DGKB: variants seen among roughly 807,000 people sequenced by gnomAD.
DGKB encodes the protein diacylglycerol kinase beta.
In DGKB, 67 loss-of-function variants were observed where a neutral mutation model predicts 114.3. The observed-to-expected ratio is 0.59, with a 90% CI of 0.48 to 0.72. The LOEUF (loss-of-function observed/expected upper bound fraction) is 0.72. DGKB is among the 30% of genes least tolerant of loss of function. The pLI, the probability that DGKB is intolerant of heterozygous loss-of-function variation, is 0.00. For missense variants in DGKB, 907 were observed against 975.2 expected (o/e 0.93, Z 0.93); for synonymous variants, 398 against 323.1 (o/e 1.23, Z -2.49).
intron 21 of DGKB, among the ~76,000 whole-genome samples, chr7:14,450,738 G>A: frequency 6.6e-6 from 1 of 152,056 alleles, no homozygotes; most frequent in East Asian, 1.9e-4. Context: ...AAGTAGCAAA[G>A]AGCAGAAGGA....
At chr7:14,685,389 T>C in intron 9 of DGKB, 27 bp from the exon 10 acceptor site, 1 of 1,515,032 alleles carries the variant, frequency 6.6e-7, no homozygotes, top group Non-Finnish European at 9.2e-7. Flanking sequence ...AGAAACAGAT[T>C]TCACTTAATG....
intron 23 of DGKB, among the ~76,000 whole-genome samples, chr7:14,304,604 A>G (rs1163640047): frequency 6.6e-6 from 1 of 152,148 alleles, no homozygotes; most frequent in Non-Finnish European, 1.5e-5. Flanking sequence ...CAGTTCACAG[A>G]TATTTCCCCT....
At chr7:14,599,193 C>T (rs537433438) in intron 17 of DGKB, among the ~76,000 whole-genome samples, 1 of 152,274 alleles carries the variant, frequency 6.6e-6, no homozygotes, top group South Asian at 2.1e-4. Context: ...CATTGCAATG[C>T]ACTTATTAAT....
intron 25 of DGKB, among the ~76,000 whole-genome samples, chr7:14,165,864 T>C (rs1386523190): frequency 6.6e-6 from 1 of 152,194 alleles, no homozygotes; most frequent in Non-Finnish European, 1.5e-5. Context: ...GGAGTCTCAT[T>C]GGACTACTGT....
intron 2 of DGKB, among the ~76,000 whole-genome samples, chr7:14,830,974 G>A (rs1325526157): frequency 6.6e-6 from 1 of 151,786 alleles, no homozygotes; most frequent in Non-Finnish European, 1.5e-5. Context: ...AAGAGACTTA[G>A]TTTTTTAAAA....
chr7:14,957,274 C>G (rs1215889366), intron 1 of DGKB, among the ~76,000 whole-genome samples: 2 of 151,904 alleles, frequency 1.3e-5, no homozygotes, highest in East Asian at 1.9e-4. Flanking sequence ...ATGGAGTTTT[C>G]TAGTGATACA....
intron 1 of DGKB, among the ~76,000 whole-genome samples, chr7:14,899,943 C>T (rs569313351): frequency 1.8e-4 from 28 of 152,140 alleles, no homozygotes; most frequent in Admixed American, 1.0e-3. Context: ...TCACTAAATA[C>T]GTTGCTTTCA....
upstream of DGKB, among the ~76,000 whole-genome samples, chr7:14,905,876 G>T (rs1783678566): frequency 6.6e-6 from 1 of 152,172 alleles, no homozygotes; most frequent in Admixed American, 6.5e-5. Context: ...GGGAAGATAA[G>T]TGAGCTGGAA....
At chr7:14,487,268 G>A (rs372012202) in intron 20 of DGKB, among the ~76,000 whole-genome samples, 10 of 151,978 alleles carry the variant, frequency 6.6e-5, no homozygotes, top group Non-Finnish European at 7.4e-5. Flanking sequence ...AGTTTCCTCC[G>A]GTTTGCTTGA....
Position 14,148,390 on chromosome 7 carries a change from C to T in DGKB, c.*741G>A, listed in dbSNP as rs1781710722. The stretch of plus-strand genomic sequence containing the variant: ...TTCGTTATTGGTGTGGTTATGAATT[C>T]TCTCCTAGATTCTCATGCAGAAAGG... On this transcript the variant is annotated 3_prime_UTR_variant, in exon 26 of 26. Coordinates refer to ENST00000402815, the MANE Select transcript of DGKB (RefSeq NM_001350709.2). 1 of 152,552 alleles carries T rather than the reference C, an allele frequency of 6.6e-6. No individual in the cohort carries two copies. Among genetic ancestry groups the T allele is most frequent in the Admixed American group, 6.6e-5 (1 of 15,254 alleles). 9.4% of individuals were successfully genotyped at this position (152,552 alleles called of 1,614,324 possible).
chr7:14,790,888 T>G (rs915078870), intron 2 of DGKB, among the ~76,000 whole-genome samples: 1 of 152,208 alleles, frequency 6.6e-6, no homozygotes, highest in African/African-American at 2.4e-5. Context: ...ATCTTTATAT[T>G]ATTTTAGGGA....
chr7:14,857,248 C>CTGTGTGTTTGTGTGTGTG (rs1554308182), intron 1 of DGKB, among the ~76,000 whole-genome samples: 2 of 23,538 alleles, frequency 8.5e-5, no homozygotes, highest in African/African-American at 7.2e-4. Flanking sequence ...CAACCCCCTG[C>CTGTGTGTTTGTGTGTGTG]TGTGTGTGTT....
At chr7:14,929,395 T>A (rs1784894874) in intron 1 of DGKB, among the ~76,000 whole-genome samples, 2 of 152,210 alleles carry the variant, frequency 1.3e-5, no homozygotes, top group South Asian at 4.1e-4. Context: ...CCAACATCTG[T>A]TATTTTTTGA....
intron 23 of DGKB, among the ~76,000 whole-genome samples, chr7:14,180,376 G>A (rs1206964109): frequency 1.3e-5 from 2 of 152,020 alleles, no homozygotes; most frequent in African/African-American, 4.8e-5. Context: ...CCCTCCTTCT[G>A]ATTTTTTTCT....
At chr7:14,228,798 A>G (rs1791245079) in intron 23 of DGKB, among the ~76,000 whole-genome samples, 1 of 151,996 alleles carries the variant, frequency 6.6e-6, no homozygotes, top group East Asian at 1.9e-4. Flanking sequence ...CTTTCAAAAA[A>G]TGTATTCTTT....
intron 21 of DGKB, among the ~76,000 whole-genome samples, chr7:14,407,731 G>C (rs1318834411): frequency 1.3e-5 from 2 of 152,072 alleles, no homozygotes; most frequent in Non-Finnish European, 2.9e-5. Context: ...GGTTAAGACA[G>C]AGTAAATATT....
intron 2 of DGKB, among the ~76,000 whole-genome samples, chr7:14,819,112 C>A (rs1844557764): frequency 6.6e-6 from 1 of 152,118 alleles, no homozygotes; most frequent in South Asian, 2.1e-4. Flanking sequence ...GCCAATGATT[C>A]ATTCTCTTTT....
At chr7:14,799,977 C>T (rs1288320351) in intron 2 of DGKB, among the ~76,000 whole-genome samples, 1 of 151,940 alleles carries the variant, frequency 6.6e-6, no homozygotes, top group African/African-American at 2.4e-5. Flanking sequence ...AGTGCAGTGG[C>T]GCCATCTTGG....
intron 23 of DGKB, among the ~76,000 whole-genome samples, chr7:14,276,303 A>G (rs911408379): frequency 2.6e-5 from 4 of 152,194 alleles, no homozygotes; most frequent in Non-Finnish European, 4.4e-5. Context: ...ACACCACGCA[A>G]GCCAACATCT....
Sources: allele counts gnomAD v4.1 joint callset (sites outside exome capture counted in the v4.1 genomes callset), GRCh38; gene constraint gnomAD v4.1.1; transcripts MANE v1.5; gene names NCBI Gene and HGNC (gene_info 2026-07-23, HGNC 2026-07-21).